Variants in UBAP1L observed in about 807,000 individuals in gnomAD.
UBAP1L encodes ubiquitin associated protein 1 like.
A neutral mutation model predicts 32.1 loss-of-function variants in UBAP1L; 32 were observed. The ratio of observed to expected loss-of-function variants is 1.00; its 90% CI spans 0.75 to 1.34. The LOEUF (loss-of-function observed/expected upper bound fraction) is 1.34, where lower values mean the gene tolerates loss of function less well. Among genes scored for constraint, UBAP1L ranks in the 40% most tolerant of loss-of-function variants. The probability of loss-of-function intolerance (pLI) is 0.00; values close to 1 mark genes in which losing one functional copy is unlikely to be tolerated. For synonymous variants in UBAP1L, 243 were observed against 250.2 expected, an observed-to-expected ratio of 0.97 and a Z score of 0.27; for missense variants, 516 against 540.5, an observed-to-expected ratio of 0.95 and a Z score of 0.45.
Position 65,093,064 on chromosome 15 carries a change from T to G in UBAP1L, c.*33A>C, listed in dbSNP as rs1361483881. On this transcript the variant is annotated 3_prime_UTR_variant, in exon 6 of 6. Coordinates refer to ENST00000559089, the MANE Select transcript of UBAP1L (RefSeq NM_001163692.2). ...GGGTTGCCAGGTCTGGCATTGGGCCTAGATGCCCAGGCATCGTGGAGTGCC... is the reference window on the plus strand; with the variant it reads ...GGGTTGCCAGGTCTGGCATTGGGCCGAGATGCCCAGGCATCGTGGAGTGCC... 38 of 1,536,766 alleles carry G rather than the reference T, an allele frequency of 2.5e-5. No individual in the cohort carries two copies. Among genetic ancestry groups the G allele is most frequent in the Non-Finnish European group, 3.3e-5 (38 of 1,143,378 alleles).
At chr15:65,111,850 G>A (rs934267479) in intron 1 of UBAP1L, among the ~76,000 whole-genome samples, 2 of 150,038 alleles carry the variant, frequency 1.3e-5, no homozygotes, top group Admixed American at 6.7e-5. Flanking sequence ...GAGTGCAGTG[G>A]CGTGATCTGG....
In UBAP1L at chr15:65,092,821, C is replaced by T; in HGVS notation, c.*276G>A. On this transcript the variant is annotated 3_prime_UTR_variant, in exon 6 of 6. Transcript: ENST00000559089. The stretch of plus-strand genomic sequence containing the variant: ...TCTTAAAATCAAGGTTACTAATGCA[C>T]ACAGTGTAAAGAGTCAAATCAGGTG... 2.3e-6 allele frequency: 1 copy of T among 442,248 alleles called. No individual in the cohort carries two copies. Among genetic ancestry groups the T allele is most frequent in the Non-Finnish European group, 4.0e-6 (1 of 251,660 alleles). The allele number at this position is 442,248 out of a possible 1,614,324, so 27.4% of individuals were successfully genotyped here. A position where few individuals can be genotyped will look rare whatever the true frequency, so the allele number is the denominator to read the frequency against.
intron 3 of UBAP1L, 103 bp from the exon 4 acceptor site, chr15:65,099,817 G>T (rs978878479): frequency 1.0e-6 from 1 of 953,668 alleles, no homozygotes; most frequent in Non-Finnish European, 1.6e-6. Flanking sequence ...TCTGTACAGA[G>T]TGTAGGGGCT....
chr15:65,110,274 G>T (rs1412301318), intron 1 of UBAP1L, among the ~76,000 whole-genome samples: 1 of 151,914 alleles, frequency 6.6e-6, no homozygotes, highest in Non-Finnish European at 1.5e-5. Context: ...CAGGAGAATC[G>T]CTTGAACCAG....
intron 2 of UBAP1L, chr15:65,104,953 G>A (rs1411202974): frequency 1.1e-5 from 4 of 349,774 alleles, no homozygotes; most frequent in South Asian, 2.1e-5. Flanking sequence ...GTTGCAGTGA[G>A]CCGAGATTGC....
intron 4 of UBAP1L, 28 bp downstream of exon 4, chr15:65,099,477 C>G (rs2087214599): frequency 6.5e-7 from 1 of 1,545,710 alleles, no homozygotes; most frequent in Admixed American, 2.0e-5. Flanking sequence ...AGCATCACAG[C>G]TCATCAGCTC....
intron 4 of UBAP1L, chr15:65,097,403 T>C (rs1211656716): frequency 2.0e-5 from 3 of 152,232 alleles, no homozygotes; most frequent in Admixed American, 6.5e-5. Context: ...TGACTTTAGA[T>C]CTGCTCTTAA....
At chr15:65,105,742 G>T in intron 2 of UBAP1L, 1 of 699,772 alleles carries the variant, frequency 1.4e-6, no homozygotes. Context: ...GTTGGTAGGT[G>T]TGCCCAGGTC....
chr15:65,092,946 C>T lies in UBAP1L; in HGVS notation c.*151G>A. On this transcript the variant is annotated 3_prime_UTR_variant, in exon 6 of 6. Coordinates refer to ENST00000559089, the MANE Select transcript of UBAP1L (RefSeq NM_001163692.2). The stretch of plus-strand genomic sequence containing the variant: ...TCAACTCTTTCAGCAGATTCTGCTG[C>T]TGTTAACTGTCACCCTTGGTATTAT... The T allele has an allele frequency of 9.1e-7, 1 of 1,098,808 alleles. No individual in the cohort carries two copies. The highest frequency in any genetic ancestry group is 1.3e-6 in the Non-Finnish European group (1 of 799,670). 68.1% of individuals were successfully genotyped at this position (1,098,808 alleles called of 1,614,324 possible).
intron 2 of UBAP1L, chr15:65,105,009 TG>T (rs756955669): frequency 0.093 from 7,862 of 84,964 alleles, 926 homozygotes; most frequent in South Asian, 0.23. Flanking sequence ...CTGTCTCAAA[TG>T]AAAAAAAAAA....
At chr15:65,099,893 T>A (rs2087221114) in intron 3 of UBAP1L, 179 bp from the exon 4 acceptor site, 1 of 557,526 alleles carries the variant, frequency 1.8e-6, no homozygotes, top group Non-Finnish European at 3.1e-6. Flanking sequence ...TATACTCATA[T>A]GAAAAATGAG....
At chr15:65,109,250 G>A (rs1259084062) in intron 1 of UBAP1L, among the ~76,000 whole-genome samples, 4 of 151,626 alleles carry the variant, frequency 2.6e-5, no homozygotes, top group Middle Eastern at 3.4e-3. Context: ...TTTGGAGGCC[G>A]AGGTGGGCGG....
At chr15:65,096,386 TG>T (rs1328189263) in intron 4 of UBAP1L, 1 of 152,184 alleles carries the variant, frequency 6.6e-6, no homozygotes, top group Non-Finnish European at 1.5e-5. Context: ...AATCAGTGAA[TG>T]GGGACAGCTG....
chr15:65,106,208 G>T lies in UBAP1L; in HGVS notation c.8C>A (p.Ala3Asp), dbSNP rs759849185. MN[A>D]LDGVPFKLPK... ...CAACTTGAAAGGAACACCATCGAGG[G>T]CATTCATTCTGTCAGGAGTGTGGAG... The change falls in exon 2 of 6, where the codon GCC becomes GAC. Residue 3 changes from alanine to aspartate, a missense_variant. Coordinates refer to ENST00000559089, the MANE Select transcript of UBAP1L (RefSeq NM_001163692.2). 5 of 1,543,728 alleles carry T rather than the reference G, an allele frequency of 3.2e-6. No homozygotes were observed. The highest frequency in any genetic ancestry group is 4.4e-6 in the Non-Finnish European group (5 of 1,144,774).
Position 65,102,590 on chromosome 15 carries a change from G to A in UBAP1L, c.215C>T (p.Ser72Leu). The A allele has an allele frequency of 6.5e-7, 1 of 1,548,090 alleles. No homozygotes were observed. Among genetic ancestry groups the A allele is most frequent in the Non-Finnish European group, 8.7e-7 (1 of 1,146,022 alleles). The change falls in exon 3 of 6, where the codon TCA becomes TTA. Residue 72 changes from serine to leucine, a missense_variant. Ser to Leu is a moderately radical substitution (Grantham distance 145, BLOSUM62 -2). Transcript: ENST00000559089. This position sits in a 1 kb window ranked among gnomAD's most constrained non-coding sequence, Gnocchi z 5.0. ...PYQCGDPGTA[S>L]APPAWLLLVS... ...TAGCAAGAGCCAGGCTGGAGGGGCT[G>A]ACGCTGTCCCCGGGTCACCGCACTG...
chr15:65,102,234 C>A lies in UBAP1L; in HGVS notation c.571G>T (p.Ala191Ser). ...HRALSLCPSP[A>S]QSPRSASPPG... ...GGTGATGCAGACCTGGGGGACTGCG[C>A]AGGGCTCGGGCACAGGCTCAGCGCG... is the stretch of plus-strand genomic sequence containing the variant. The change falls in exon 3 of 6, where the codon GCG (alanine) becomes TCG (serine). Residue 191 changes from alanine to serine, a missense_variant. Ala to Ser is a moderately conservative substitution (Grantham distance 99). Transcript: ENST00000559089. The surrounding 1 kb of genome is among the most constrained non-coding windows in gnomAD (Gnocchi z 5.0). 7.9e-7 allele frequency: 1 copy of A among 1,261,822 alleles called. No individual in the cohort carries two copies. The highest frequency in any genetic ancestry group is 1.0e-6 in the Non-Finnish European group (1 of 1,004,012). 78.2% of individuals were successfully genotyped at this position (1,261,822 alleles called of 1,614,324 possible). A position where few individuals can be genotyped will look rare whatever the true frequency, so the allele number is the denominator to read the frequency against.
intron 2 of UBAP1L, chr15:65,105,632 C>A: frequency 1.5e-6 from 1 of 666,092 alleles, no homozygotes. Context: ...GTGAAACTGT[C>A]CAGGCCATCA....
chr15:65,110,170 C>T (rs2087358642), intron 1 of UBAP1L, among the ~76,000 whole-genome samples: 1 of 151,694 alleles, frequency 6.6e-6, no homozygotes, highest in Non-Finnish European at 1.5e-5. Context: ...ACCATCCTGG[C>T]CAACATGGTG....
chr15:65,098,160 A>G (rs2087198777), intron 4 of UBAP1L: 1 of 152,124 alleles, frequency 6.6e-6, no homozygotes. Context: ...CATTTATCAA[A>G]TTCTCAGGCC....
Sources: gnomAD v4.1 joint callset for allele counts (sites outside exome capture counted in the v4.1 genomes callset) on GRCh38, gnomAD v4.1.1 for gene constraint, Gnocchi (gnomAD v3.1) non-coding constraint, MANE v1.5 for transcripts, NCBI Gene and HGNC (gene_info 2026-07-23, HGNC 2026-07-21) for gene names.